RPL39L: variants seen among roughly 807,000 people sequenced by gnomAD.
RPL39L encodes the protein ribosomal protein eL39-like 2.
For missense variants in RPL39L, 48 were observed against 58.9 expected, an observed-to-expected ratio of 0.81 and a Z score of 0.61; for synonymous variants, 16 against 20.1, an observed-to-expected ratio of 0.80 and a Z score of 0.55.
chr3:187,133,464 C>T (rs1035758411), intron 1 of RPL39L, among the ~76,000 whole-genome samples: 2 of 152,066 alleles, frequency 1.3e-5, no homozygotes, highest in Admixed American at 1.3e-4. Flanking sequence ...GCCTCCCCAG[C>T]CATGTGGAAC....
At chr3:187,133,458 C>T (rs1720520135) in intron 1 of RPL39L, among the ~76,000 whole-genome samples, 1 of 152,070 alleles carries the variant, frequency 6.6e-6, no homozygotes, top group South Asian at 2.1e-4. Context: ...CCTGAGGCCT[C>T]CCCAGCCATG....
intron 1 of RPL39L, among the ~76,000 whole-genome samples, chr3:187,130,387 G>A (rs1333116682): frequency 6.6e-6 from 1 of 152,200 alleles, no homozygotes; most frequent in African/African-American, 2.4e-5. Flanking sequence ...AATGCTGGAG[G>A]TGGGGCCTAG....
At chr3:187,123,967 A>G (rs926470407) in intron 2 of RPL39L, among the ~76,000 whole-genome samples, 11 of 152,246 alleles carry the variant, frequency 7.2e-5, no homozygotes, top group Non-Finnish European at 1.5e-4. Context: ...GATATCTGCT[A>G]TCTGCATTGG....
intron 1 of RPL39L, among the ~76,000 whole-genome samples, chr3:187,137,915 G>GT (rs999041852): frequency 4.0e-4 from 61 of 152,170 alleles, no homozygotes; most frequent in African/African-American, 1.4e-3. Flanking sequence ...CACATTTCAA[G>GT]TGCTGAATAG....
At chr3:187,122,253 A>G (rs1158647284) in intron 2 of RPL39L, among the ~76,000 whole-genome samples, 3 of 152,228 alleles carry the variant, frequency 2.0e-5, no homozygotes, top group African/African-American at 7.2e-5. Context: ...GAGACACAGT[A>G]GTTATTTTTA....
Position 187,134,483 on chromosome 3 carries a change from T to TAAAAAAAAAAAAA in RPL39L, c.-93+4717_-93+4729dup, listed in dbSNP as rs72169562. On this transcript the variant is annotated intron_variant, in intron 1 of 2. Coordinates refer to ENST00000296277, the MANE Select transcript of RPL39L (RefSeq NM_052969.3). ...GCCCAAACTACTTTAGCCTGACTGATAAAAAAAAAAAAAAAAAAAGAAGAC... is the reference window on the plus strand; with the variant it reads ...GCCCAAACTACTTTAGCCTGACTGATAAAAAAAAAAAAAAAAAAAAAAAAAAAAAAAAGAAGAC... Among the ~76,000 whole-genome samples the TAAAAAAAAAAAAA allele has an allele frequency of 3.8e-3, 354 of 93,288 alleles. 12 individuals carry two copies. Among genetic ancestry groups the TAAAAAAAAAAAAA allele is most frequent in the African/African-American group, 0.014 (339 of 23,474 alleles). 61.2% of individuals were successfully genotyped at this position (93,288 alleles called of 152,430 possible). A position where few individuals can be genotyped will look rare whatever the true frequency, so the allele number is the denominator to read the frequency against.
At chr3:187,138,638 C>T (rs1720628281) in intron 1 of RPL39L, among the ~76,000 whole-genome samples, 1 of 152,174 alleles carries the variant, frequency 6.6e-6, no homozygotes, top group Non-Finnish European at 1.5e-5. Flanking sequence ...ATTCTAGGGA[C>T]ACTAGTTGGA....
At chr3:187,135,464 GCTCT>G (rs371869098) in intron 1 of RPL39L, among the ~76,000 whole-genome samples, 37 of 152,306 alleles carry the variant, frequency 2.4e-4, no homozygotes, top group Admixed American at 1.1e-3. Context: ...CCCTGCACAA[GCTCT>G]CTGTTTGCCT....
chr3:187,130,625 T>C (rs1720470245), intron 1 of RPL39L, among the ~76,000 whole-genome samples: 1 of 152,246 alleles, frequency 6.6e-6, no homozygotes, highest in African/African-American at 2.4e-5. Flanking sequence ...GCTAGTGCTA[T>C]GCTTCCTGTA....
intron 1 of RPL39L, among the ~76,000 whole-genome samples, chr3:187,138,733 T>C (rs796628467): frequency 3.3e-5 from 5 of 152,166 alleles, no homozygotes; most frequent in African/African-American, 1.2e-4. Context: ...TTCTCTAAGC[T>C]AGAAACAGGG....
chr3:187,125,340 T>A (rs1720379744), intron 2 of RPL39L, among the ~76,000 whole-genome samples: 1 of 152,246 alleles, frequency 6.6e-6, no homozygotes, highest in South Asian at 2.1e-4. Context: ...GGTCAATGTG[T>A]TGTTTTAAAC....
intron 1 of RPL39L, among the ~76,000 whole-genome samples, chr3:187,128,356 A>G (rs1048391531): frequency 2.7e-4 from 41 of 152,318 alleles, no homozygotes; most frequent in African/African-American, 9.9e-4. Flanking sequence ...GTTTATGAAA[A>G]ATAAGCTCTT....
intron 1 of RPL39L, among the ~76,000 whole-genome samples, chr3:187,131,317 G>A (rs191771725): frequency 1.2e-4 from 19 of 152,116 alleles, no homozygotes; most frequent in Non-Finnish European, 1.3e-4. Context: ...TTGGGAGGCC[G>A]AGGCAGGTCA....
At position 187,121,224 on chromosome 3, in the gene RPL39L, C is replaced by T. The variant is rs1256946182; in HGVS notation, c.77G>A (p.Trp26Ter). ...TTTACTACCAGGTTTCATCTGAATC[C>T]ACTGGGGGATGGGACGATTTTGCTT... ...KQKQNRPIPQ[W>*]IQMKPGSKIR... is the part of the protein sequence containing the mutation. The change falls in exon 3 of 3, where the codon TGG becomes TAG. Residue 26 changes from tryptophan to a stop codon, truncating the protein, a stop_gained. Transcript: ENST00000296277. LOFTEE classifies it high-confidence loss of function. 1.2e-6 allele frequency: 2 copies of T among 1,613,784 alleles called. No homozygotes were observed. The highest frequency in any genetic ancestry group is 1.7e-6 in the Non-Finnish European group (2 of 1,179,874).
Position 187,127,980 on chromosome 3 carries a change from AAG to A in RPL39L, c.-29+17_-29+18del, listed in dbSNP as rs1720426318. 6.6e-6 allele frequency: 1 copy of A among 152,232 alleles called. No individual in the cohort carries two copies. Among genetic ancestry groups the A allele is most frequent in the African/African-American group, 2.4e-5 (1 of 41,464 alleles). The allele number at this position is 152,232 out of a possible 1,614,324, so 9.4% of individuals were successfully genotyped here. On this transcript the variant is annotated intron_variant, in intron 2 of 2. Coordinates refer to ENST00000296277, the MANE Select transcript of RPL39L (RefSeq NM_052969.3). ...CACTTTTTTTTCACAAGTTGAAAGA[AAG>A]AGGAAGAAAATCCTACCTTTTTCAA...
intron 1 of RPL39L, among the ~76,000 whole-genome samples, chr3:187,133,027 A>C (rs1560201284): frequency 6.6e-6 from 1 of 152,262 alleles, no homozygotes; most frequent in Non-Finnish European, 1.5e-5. Context: ...GCTAAAGGTC[A>C]AGTGTGGACC....
chr3:187,133,812 C>A (rs960116962), intron 1 of RPL39L, among the ~76,000 whole-genome samples: 1 of 152,088 alleles, frequency 6.6e-6, no homozygotes, highest in African/African-American at 2.4e-5. Context: ...TAGAGGAAAT[C>A]GAACCTGGTA....
chr3:187,131,181 A>G (rs1315259993), intron 1 of RPL39L, among the ~76,000 whole-genome samples: 2 of 152,210 alleles, frequency 1.3e-5, no homozygotes, highest in African/African-American at 4.8e-5. Flanking sequence ...CACAGTGGTT[A>G]AAAGAACTCT....
chr3:187,124,377 T>A (rs979479462), intron 2 of RPL39L, among the ~76,000 whole-genome samples: 27 of 152,270 alleles, frequency 1.8e-4, no homozygotes, highest in African/African-American at 6.5e-4. Flanking sequence ...CGAAGTTTAT[T>A]AAGTGATCAT....
Sources: gnomAD v4.1 joint callset for allele counts (sites outside exome capture counted in the v4.1 genomes callset) on GRCh38, gnomAD v4.1.1 for gene constraint, MANE v1.5 for transcripts, NCBI Gene and HGNC (gene_info 2026-07-23, HGNC 2026-07-21) for gene names.